ZNF385C: variants seen among roughly 807,000 people sequenced by gnomAD.
The protein encoded by ZNF385C is CTD-2132N18.2.
In ZNF385C, 28 loss-of-function variants were observed where a neutral mutation model predicts 35.4. That is an observed-to-expected ratio of 0.79 (90% confidence interval 0.59 to 1.08). The LOEUF is 1.08. ZNF385C is among the 50% of genes least tolerant of loss of function. The pLI, the probability that ZNF385C is intolerant of heterozygous loss-of-function variation, is 0.00. For synonymous variants in ZNF385C, 248 were observed against 248.2 expected (o/e 1.00, Z 0.01); for missense variants, 605 against 595.6 (o/e 1.02, Z -0.16).
chr17:42,050,109 T>C lies in ZNF385C; in HGVS notation c.251-12224A>G, dbSNP rs1555656969. Among the ~76,000 whole-genome samples, 2 of 152,316 alleles carry C rather than the reference T, an allele frequency of 1.3e-5. No homozygotes were observed. Among genetic ancestry groups the C allele is most frequent in the South Asian group, 2.1e-4 (1 of 4,830 alleles). ...ACCAAGGCTGACCAGGAGGGCACAC[T>C]TGCTGCAGACACAGGTCTCCTCTCA... On this transcript the variant is annotated intron_variant, in intron 2 of 8. Transcript: ENST00000692273. The surrounding 1 kb of genome is among the most constrained non-coding windows in gnomAD (Gnocchi z 5.6).
intron 3 of ZNF385C, among the ~76,000 whole-genome samples, 155 bp downstream of exon 3, chr17:42,037,582 G>A (rs764326202): frequency 6.6e-6 from 1 of 152,036 alleles, no homozygotes; most frequent in Admixed American, 6.5e-5. Flanking sequence ...CCCAAATAGG[G>A]GTCCCTATTT....
intron 1 of ZNF385C, among the ~76,000 whole-genome samples, chr17:42,071,333 C>T (rs1297936867): frequency 6.6e-6 from 1 of 152,122 alleles, no homozygotes; most frequent in African/African-American, 2.4e-5. Flanking sequence ...AGAGAGGGCA[C>T]AGGAGGTGAA....
At chr17:42,077,669 G>C (rs1206540059) in intron 1 of ZNF385C, among the ~76,000 whole-genome samples, 1 of 152,184 alleles carries the variant, frequency 6.6e-6, no homozygotes, top group Non-Finnish European at 1.5e-5. Flanking sequence ...AGAGACCCCG[G>C]CCCAGCCAGC....
rs1258875510 is a variant in ZNF385C, at chr17:42,026,794, A to G, written c.*103T>C. 5.2e-6 allele frequency: 6 copies of G among 1,143,684 alleles called. No individual in the cohort carries two copies. The highest frequency in any genetic ancestry group is 3.1e-5 in the African/African-American group (2 of 65,012). The allele number at this position is 1,143,684 out of a possible 1,614,324, so 70.8% of individuals were successfully genotyped here. A position where few individuals can be genotyped will look rare whatever the true frequency, so the allele number is the denominator to read the frequency against. The stretch of plus-strand genomic sequence containing the variant: ...TTTCTGGATCGGGCAGGACCCCTGA[A>G]GCTGTTCACAGTCCCTGTGGCATGT... On this transcript the variant is annotated 3_prime_UTR_variant, in exon 9 of 9. Coordinates refer to ENST00000692273, the MANE Select transcript of ZNF385C (RefSeq NM_001392013.1).
chr17:42,079,877 A>C (rs1363509432), intron 1 of ZNF385C, among the ~76,000 whole-genome samples: 1 of 152,134 alleles, frequency 6.6e-6, no homozygotes, highest in Non-Finnish European at 1.5e-5. Flanking sequence ...GATCTCATCA[A>C]TGATCCACTC....
chr17:42,030,085 G>A (rs1406524128), intron 5 of ZNF385C, among the ~76,000 whole-genome samples: 1 of 151,898 alleles, frequency 6.6e-6, no homozygotes, highest in African/African-American at 2.4e-5. Flanking sequence ...TATGATCCAC[G>A]GTGGAGTACT....
intron 1 of ZNF385C, among the ~76,000 whole-genome samples, chr17:42,094,438 G>A (rs1555660822): frequency 6.6e-6 from 1 of 151,554 alleles, no homozygotes; most frequent in African/African-American, 2.4e-5. Flanking sequence ...CACGCAGTCA[G>A]ACACTGAGAG....
intron 1 of ZNF385C, among the ~76,000 whole-genome samples, chr17:42,064,129 C>G (rs2053513904): frequency 6.6e-6 from 1 of 150,482 alleles, no homozygotes; most frequent in Non-Finnish European, 1.5e-5. Flanking sequence ...CTTTCTGTCT[C>G]TTCGGGACCC....
In ZNF385C at chr17:42,062,950, T is replaced by C. The variant is rs201850298; in HGVS notation, c.107A>G (p.Glu36Gly). ...GAGCGTGTACGATGGCCGCTTTCTT[T>C]CTCGCTTGGGCTTAGGTGGTTCTGG... ...RPPEPPKPKR[E>G]RKRPSYTLCD... The change falls in exon 2 of 9, where the codon GAA (glutamate) becomes GGA (glycine). Residue 36 changes from glutamate to glycine, a missense_variant. Coordinates refer to ENST00000692273, the MANE Select transcript of ZNF385C (RefSeq NM_001392013.1). 2 of 694,972 alleles carry C rather than the reference T, an allele frequency of 2.9e-6. No individual in the cohort carries two copies. The highest frequency in any genetic ancestry group is 5.2e-6 in the Non-Finnish European group (2 of 381,354). The allele number at this position is 694,972 out of a possible 1,614,324, so 43.1% of individuals were successfully genotyped here. A position where few individuals can be genotyped will look rare whatever the true frequency, so the allele number is the denominator to read the frequency against.
chr17:42,031,172 G>A (rs2052720103), intron 5 of ZNF385C, among the ~76,000 whole-genome samples: 1 of 152,022 alleles, frequency 6.6e-6, no homozygotes, highest in African/African-American at 2.4e-5. Context: ...CTGAGTAGCT[G>A]GGACTACAGG....
At chr17:42,038,110 C>A in intron 2 of ZNF385C, 1 of 1,524,646 alleles carries the variant, frequency 6.6e-7, no homozygotes, top group South Asian at 1.2e-5. Flanking sequence ...AGGCTCCCAG[C>A]CCAGAGGGAT....
chr17:42,069,546 G>A (rs537109375), intron 1 of ZNF385C, among the ~76,000 whole-genome samples: 2 of 152,358 alleles, frequency 1.3e-5, no homozygotes, highest in South Asian at 2.1e-4. Context: ...AGGAAGGTTC[G>A]AGACCTGTCC....
At chr17:42,042,862 T>C in intron 2 of ZNF385C, 1 of 1,232,290 alleles carries the variant, frequency 8.1e-7, no homozygotes, top group South Asian at 4.1e-5. Context: ...CCTGGGACTG[T>C]AGTAATCGCC....
Position 42,027,782 on chromosome 17 carries a change from A to G in ZNF385C, c.1165-54T>C. ...AAGATGACAAAGCCCAAGGACCCCA[A>G]GACCATCATCCTCGACTCTTCCCCT... On this transcript the variant is annotated intron_variant, in intron 7 of 8. Coordinates refer to ENST00000692273, the MANE Select transcript of ZNF385C (RefSeq NM_001392013.1). 5 of 1,559,346 alleles carry G rather than the reference A, an allele frequency of 3.2e-6. 1 individual carries two copies. The South Asian group carries it at 5.6e-5, about 17-fold the overall frequency.
chr17:42,082,312 A>G (rs1003246323), intron 1 of ZNF385C, among the ~76,000 whole-genome samples: 3 of 152,240 alleles, frequency 2.0e-5, no homozygotes, highest in African/African-American at 7.2e-5. Context: ...TGCTGGGATT[A>G]CAGGCGTGAG....
chr17:42,086,732 T>C (rs1460479839), intron 1 of ZNF385C, among the ~76,000 whole-genome samples: 2 of 144,038 alleles, frequency 1.4e-5, no homozygotes, highest in Non-Finnish European at 3.0e-5. Context: ...CCAATAAATA[T>C]AAATACAGAA....
chr17:42,034,760 G>C (rs1331213740), intron 3 of ZNF385C, among the ~76,000 whole-genome samples: 2 of 148,548 alleles, frequency 1.3e-5, no homozygotes, highest in Non-Finnish European at 3.0e-5. Context: ...CTCCAGCCTG[G>C]GCAACAAGAG....
At chr17:42,049,895 C>T (rs2053246590) in intron 2 of ZNF385C, among the ~76,000 whole-genome samples, 1 of 152,252 alleles carries the variant, frequency 6.6e-6, no homozygotes, top group Admixed American at 6.5e-5. Context: ...AGGCACTTTT[C>T]AAGTGCTTAG....
rs142338663 is a variant in ZNF385C, at chr17:42,031,641, G to A, written c.654C>T (p.Ala218=). ...VSPIPTLASG[A]PGEPQSKVPA... The stretch of plus-strand genomic sequence containing the variant: ...GACCTTTACTCTGTGGCTCTCCAGG[G>A]GCTCCACTGGCCAGCGTTGGGATTG... The change falls in exon 5 of 9, where the codon GCC becomes GCT. Residue 218 remains alanine (A), a synonymous_variant. Coordinates refer to ENST00000692273, the MANE Select transcript of ZNF385C (RefSeq NM_001392013.1). 8.9e-5 allele frequency: 138 copies of A among 1,550,622 alleles called. No homozygotes were observed. Among genetic ancestry groups the A allele is most frequent in the South Asian group, 2.4e-4 (20 of 84,066 alleles).
Sources: allele counts gnomAD v4.1 joint callset (sites outside exome capture counted in the v4.1 genomes callset), GRCh38; gene constraint gnomAD v4.1.1; non-coding constraint Gnocchi (gnomAD v3.1); transcripts MANE v1.5; gene names NCBI Gene and HGNC (gene_info 2026-07-23, HGNC 2026-07-21).